Variants in PP2D1 observed in about 807,000 individuals in gnomAD.
The protein encoded by PP2D1 is protein phosphatase 2C-like domain-containing protein 1.
A neutral mutation model predicts 30.2 loss-of-function variants in PP2D1; 25 were observed. That is an observed-to-expected ratio of 0.83 (90% confidence interval 0.60 to 1.16). The LOEUF (loss-of-function observed/expected upper bound fraction) is 1.16, where lower values mean the gene tolerates loss of function less well. Among genes scored for constraint, PP2D1 ranks in the 50% most tolerant of loss-of-function variants. The pLI, the probability that PP2D1 is intolerant of heterozygous loss-of-function variation, is 0.00. For missense variants in PP2D1, 760 were observed against 742.4 expected (o/e 1.02, Z -0.28); for synonymous variants, 260 against 258.9 (o/e 1.00, Z -0.04).
downstream of PP2D1, among the ~76,000 whole-genome samples, chr3:19,982,693 T>C (rs1696952471): frequency 6.6e-6 from 1 of 150,988 alleles, no homozygotes; most frequent in Admixed American, 6.6e-5. Flanking sequence ...ACTTTGGAAC[T>C]CAGGACTGCA....
chr3:20,002,089 A>G lies in PP2D1; in HGVS notation c.31T>C (p.Trp11Arg). 1 of 1,526,930 alleles carries G rather than the reference A, an allele frequency of 6.5e-7. No individual in the cohort carries two copies. Among genetic ancestry groups the G allele is most frequent in the South Asian group, 1.2e-5 (1 of 83,696 alleles). 94.6% of individuals were successfully genotyped at this position (1,526,930 alleles called of 1,614,324 possible). Residue 11 changes from tryptophan (W) to arginine (R), a missense_variant, in exon 2 of 3, where the codon TGG (tryptophan) becomes CGG (arginine). Physicochemically the swap from Trp to Arg is moderately radical, Grantham distance 101 (BLOSUM62 -3). This residue lies in a region of PP2D1 where 374 missense variants were observed against 388.8 expected (regional missense o/e 0.96). Coordinates refer to ENST00000389050, the MANE Select transcript of PP2D1 (RefSeq NM_001252657.2). ...TTCATATTCCATTCTCTTGATTTCC[A>G]AAACACTCTGCAAACAGGATGAAAG... Reference protein sequence around the residue: MSTNNALRVFWKSREWNMKTS... With the variant: MSTNNALRVFRKSREWNMKTS...
At chr3:20,010,731 G>A (rs1484148604) in intron 1 of PP2D1, among the ~76,000 whole-genome samples, 1 of 151,994 alleles carries the variant, frequency 6.6e-6, no homozygotes, top group Non-Finnish European at 1.5e-5. Flanking sequence ...TGAACCCAGG[G>A]GCGGAGGTTG....
intron 2 of PP2D1, among the ~76,000 whole-genome samples, chr3:19,999,760 CTT>C (rs1330847960): frequency 1.3e-5 from 2 of 152,100 alleles, no homozygotes; most frequent in Non-Finnish European, 2.9e-5. Flanking sequence ...TTTACAAAGA[CTT>C]TTATAATTAA....
At chr3:20,007,008 TACACAC>T (rs71751343) in intron 1 of PP2D1, among the ~76,000 whole-genome samples, 9 of 144,754 alleles carry the variant, frequency 6.2e-5, no homozygotes, top group East Asian at 2.0e-4. Context: ...CACACACGTA[TACACAC>T]ACACACACAC....
downstream of PP2D1, among the ~76,000 whole-genome samples, chr3:19,982,998 TACTG>T (rs1274407554): frequency 2.0e-5 from 3 of 152,172 alleles, no homozygotes; most frequent in East Asian, 5.8e-4. Context: ...TTTATAAACT[TACTG>T]GCTGGCCATC....
downstream of PP2D1, chr3:19,983,826 C>G (rs755526282): frequency 1.3e-6 from 2 of 1,572,660 alleles, no homozygotes; most frequent in Non-Finnish European, 8.7e-7. Context: ...GTAACTAAAC[C>G]TCTAGTTTGA....
intron 2 of PP2D1, among the ~76,000 whole-genome samples, chr3:19,990,213 C>T (rs921866116): frequency 3.9e-5 from 6 of 152,310 alleles, no homozygotes; most frequent in Non-Finnish European, 7.4e-5. Flanking sequence ...GGCATGATCA[C>T]GGCTTACTGC....
intron 1 of PP2D1, among the ~76,000 whole-genome samples, chr3:20,010,011 A>T (rs1697366249): frequency 6.6e-6 from 1 of 152,104 alleles, no homozygotes. Flanking sequence ...AGAGTATAAT[A>T]AGTCCCCATA....
At chr3:20,008,844 G>C (rs1187860401) in intron 1 of PP2D1, among the ~76,000 whole-genome samples, 1 of 152,118 alleles carries the variant, frequency 6.6e-6, no homozygotes, top group African/African-American at 2.4e-5. Flanking sequence ...AATGCACAAG[G>C]TTGCTTTTAG....
intron 1 of PP2D1, 52 bp downstream of exon 1, chr3:20,011,998 T>C: frequency 7.4e-7 from 1 of 1,359,030 alleles, no homozygotes; most frequent in Non-Finnish European, 1.0e-6. Flanking sequence ...ACTGTAGATA[T>C]AATTACTCAT....
Position 20,001,300 on chromosome 3 carries a change from C to A in PP2D1, c.820G>T (p.Ala274Ser). ...GTGTCCTCATACTCACACCTCACTG[C>A]TTCTGTTTTGTTTATGGCAGAAAAG... ...DLFSAINKTE[A>S]VRCEYEDTHK... The change falls in exon 2 of 3, where the codon GCA becomes TCA. Residue 274 changes from alanine (A) to serine (S), a missense_variant. Physicochemically the swap from Ala to Ser is moderately conservative, Grantham distance 99 (BLOSUM62 1). Around this residue, in one of 3 missense-constraint regions of PP2D1, gnomAD observed 374 missense variants for 388.8 expected, o/e 0.96. Coordinates refer to ENST00000389050, the MANE Select transcript of PP2D1 (RefSeq NM_001252657.2). 1 of 1,535,786 alleles carries A rather than the reference C, an allele frequency of 6.5e-7. No homozygotes were observed.
intron 2 of PP2D1, among the ~76,000 whole-genome samples, chr3:20,000,688 G>A (rs1416004948): frequency 6.6e-6 from 1 of 152,146 alleles, no homozygotes; most frequent in Admixed American, 6.6e-5. Context: ...CTGAAAAAAG[G>A]AAGTGTACAA....
intron 1 of PP2D1, among the ~76,000 whole-genome samples, chr3:20,004,397 C>T (rs1478208768): frequency 6.6e-6 from 1 of 152,170 alleles, no homozygotes; most frequent in Non-Finnish European, 1.5e-5. Flanking sequence ...CAGAAAGTAT[C>T]CCCATCGTTA....
At chr3:19,983,904 A>T (rs1232353110), downstream of PP2D1, 52 of 908,250 alleles carry the variant, frequency 5.7e-5, no homozygotes, top group Non-Finnish European at 3.4e-6. Context: ...TAACCAGCCC[A>T]GTATGACTTC....
chr3:19,989,419 T>C (rs1316078146), intron 2 of PP2D1, among the ~76,000 whole-genome samples: 1 of 152,216 alleles, frequency 6.6e-6, no homozygotes, highest in Non-Finnish European at 1.5e-5. Flanking sequence ...GCTGAGCTAC[T>C]GGATTGGGAC....
At chr3:20,011,847 T>C (rs1697391995) in intron 1 of PP2D1, among the ~76,000 whole-genome samples, 2 of 152,050 alleles carry the variant, frequency 1.3e-5, no homozygotes, top group Admixed American at 6.6e-5. Flanking sequence ...TAATTAACTA[T>C]AAAGACATCA....
At chr3:19,991,786 A>G (rs1483572904) in intron 2 of PP2D1, among the ~76,000 whole-genome samples, 1 of 152,174 alleles carries the variant, frequency 6.6e-6, no homozygotes, top group Non-Finnish European at 1.5e-5. Flanking sequence ...AGAAGAGAAA[A>G]GCAGGTAGAG....
downstream of PP2D1, among the ~76,000 whole-genome samples, chr3:19,981,252 T>C (rs9847217): frequency 3.0e-3 from 460 of 152,340 alleles, 3 homozygotes; most frequent in African/African-American, 0.011. Context: ...GAAAGTGATA[T>C]GCATTTAGTA....
chr3:19,995,646 T>C (rs1697171499), intron 2 of PP2D1, among the ~76,000 whole-genome samples: 1 of 152,166 alleles, frequency 6.6e-6, no homozygotes, highest in Non-Finnish European at 1.5e-5. Context: ...GAAAAGTCAA[T>C]CAATTGAAAC....
Sources: allele counts gnomAD v4.1 joint callset (sites outside exome capture counted in the v4.1 genomes callset), GRCh38; gene constraint gnomAD v4.1.1; regional missense constraint gnomAD v4.1.1; transcripts MANE v1.5; gene names NCBI Gene and HGNC (gene_info 2026-07-23, HGNC 2026-07-21).